TRPM3: variants seen among roughly 807,000 people sequenced by gnomAD.
TRPM3 encodes transient receptor potential cation channel subfamily M member 3, also known as long transient receptor potential channel 3.
In TRPM3, 77 loss-of-function variants were observed where a neutral mutation model predicts 181.2. The ratio of observed to expected loss-of-function variants is 0.42; its 90% confidence interval spans 0.35 to 0.51. The LOEUF (loss-of-function observed/expected upper bound fraction) is 0.51. Ranked by LOEUF, TRPM3 falls within the 20% of genes least tolerant of loss-of-function variation. TRPM3 has a pLI of 0.01. For missense variants in TRPM3, 1,759 were observed against 2,196.7 expected, an observed-to-expected ratio of 0.80 and a Z score of 3.98; for synonymous variants, 745 against 796.4, an observed-to-expected ratio of 0.94 and a Z score of 1.09.
At chr9:70,675,697 C>T (rs2134151178) in intron 9 of TRPM3, among the ~76,000 whole-genome samples, 1 of 152,212 alleles carries the variant, frequency 6.6e-6, no homozygotes, top group South Asian at 2.1e-4. Flanking sequence ...CAGTGATCAG[C>T]TATTATTCAT....
intron 9 of TRPM3, among the ~76,000 whole-genome samples, chr9:70,664,949 T>C (rs2133979465): frequency 6.6e-6 from 1 of 152,194 alleles, no homozygotes; most frequent in South Asian, 2.1e-4. Context: ...CACACCGGCC[T>C]AGGAACGTAC....
chr9:71,133,341 C>T (rs2074496161), intron 1 of TRPM3, among the ~76,000 whole-genome samples: 1 of 90,162 alleles, frequency 1.1e-5, no homozygotes, highest in African/African-American at 3.2e-5. Flanking sequence ...GTTGCCCAGG[C>T]TGGAGTGCAG....
In TRPM3 at chr9:71,350,004, G is replaced by GATATAT. The variant is rs1565487893; in HGVS notation, c.183+96648_183+96649insATATAT. On this transcript the variant is annotated intron_variant, in intron 1 of 24. Coordinates refer to the TRPM3 transcript ENST00000357533. ...ATATATATATATATATATATATATGGGCCTAAAAAATGACCTGTGTAGAAG... is the reference window on the plus strand; with the variant it reads ...ATATATATATATATATATATATATGGATATATGCCTAAAAAATGACCTGTGTAGAAG... Among the ~76,000 whole-genome samples, 8 of 2,862 alleles carry GATATAT rather than the reference G, an allele frequency of 2.8e-3. No individual in the cohort carries two copies. The Middle Eastern group carries it at 0.3, about 107-fold the overall frequency. The allele number at this position is 2,862 out of a possible 152,430, so 1.9% of individuals were successfully genotyped here. A position where few individuals can be genotyped will look rare whatever the true frequency, so the allele number is the denominator to read the frequency against.
At chr9:70,742,297 A>G (rs1170429443) in intron 8 of TRPM3, among the ~76,000 whole-genome samples, 2 of 152,116 alleles carry the variant, frequency 1.3e-5, no homozygotes, top group South Asian at 2.1e-4. Context: ...TATTTCTACA[A>G]TGAAAATTTT....
chr9:71,067,645 G>A (rs2062105598), intron 1 of TRPM3, among the ~76,000 whole-genome samples: 1 of 152,138 alleles, frequency 6.6e-6, no homozygotes. Flanking sequence ...AAAATCAAAT[G>A]AGTTAATATA....
At chr9:70,901,007 A>G (rs183128824) in intron 1 of TRPM3, among the ~76,000 whole-genome samples, 1 of 152,352 alleles carries the variant, frequency 6.6e-6, no homozygotes, top group Admixed American at 6.5e-5. Flanking sequence ...TTTGTTTTCA[A>G]CAGAAATCAC....
intron 1 of TRPM3, among the ~76,000 whole-genome samples, chr9:71,259,654 C>CT (rs546209652): frequency 9.8e-4 from 148 of 150,736 alleles, no homozygotes; most frequent in Admixed American, 2.5e-3. Context: ...GATGATGAGC[C>CT]TTTTTTTTTG....
Position 70,535,255 on chromosome 9 carries a change from T to C in TRPM3, c.*698A>G, listed in dbSNP as rs2041465806. 2 of 723,868 alleles carry C rather than the reference T, an allele frequency of 2.8e-6. No homozygotes were observed. The highest frequency in any genetic ancestry group is 4.4e-6 in the Non-Finnish European group (2 of 456,574). 44.8% of individuals were successfully genotyped at this position (723,868 alleles called of 1,614,324 possible). On this transcript the variant is annotated 3_prime_UTR_variant, in exon 26 of 26. Transcript: ENST00000677713. ...ATTTCGATTGCAATACAAAAAGGCA[T>C]TTCTGTTCCCTTATTTTCTTCAAAA... is the stretch of plus-strand genomic sequence containing the variant.
At chr9:70,758,611 T>G (rs749463649) in intron 8 of TRPM3, among the ~76,000 whole-genome samples, 8 of 152,146 alleles carry the variant, frequency 5.3e-5, no homozygotes, top group Admixed American at 5.2e-4. Flanking sequence ...CATAACAGCA[T>G]GGTAGTGGTG....
chr9:71,390,402 T>G (rs2093035489), intron 1 of TRPM3, among the ~76,000 whole-genome samples: 1 of 152,036 alleles, frequency 6.6e-6, no homozygotes, highest in African/African-American at 2.4e-5. Flanking sequence ...GAATAACATT[T>G]GCATTTCTAA....
At chr9:70,683,458 T>TTTTTTTTA (rs2065992258) in intron 8 of TRPM3, among the ~76,000 whole-genome samples, 1 of 106,362 alleles carries the variant, frequency 9.4e-6, no homozygotes, top group Non-Finnish European at 1.9e-5. Flanking sequence ...TTTTTTTTTT[T>TTTTTTTTA]GTAGAGATGG....
intron 1 of TRPM3, among the ~76,000 whole-genome samples, chr9:71,173,032 T>TC (rs1178073604): frequency 1.3e-5 from 2 of 152,198 alleles, no homozygotes; most frequent in African/African-American, 2.4e-5. Flanking sequence ...AAGGGTTTTT[T>TC]CCCACAACTC....
upstream of TRPM3, among the ~76,000 whole-genome samples, chr9:71,126,245 C>T (rs1296910711): frequency 6.6e-6 from 1 of 152,146 alleles, no homozygotes; most frequent in African/African-American, 2.4e-5. Context: ...GCTGGCGAGG[C>T]TGTGGAGAAA....
intron 1 of TRPM3, among the ~76,000 whole-genome samples, chr9:71,172,027 T>G (rs1361377159): frequency 6.6e-6 from 1 of 152,054 alleles, no homozygotes; most frequent in East Asian, 1.9e-4. Flanking sequence ...GCCTCCCAAG[T>G]AGCTGGGACC....
chr9:71,369,976 T>C (rs2092459506), intron 1 of TRPM3, among the ~76,000 whole-genome samples: 1 of 152,198 alleles, frequency 6.6e-6, no homozygotes, highest in African/African-American at 2.4e-5. Flanking sequence ...AATATTATCA[T>C]ATCTGTTATG....
intron 1 of TRPM3, among the ~76,000 whole-genome samples, chr9:71,019,986 T>C (rs1008827849): frequency 6.6e-6 from 1 of 152,080 alleles, no homozygotes; most frequent in African/African-American, 2.4e-5. Context: ...GATACTCACA[T>C]GGGAAAAATA....
chr9:70,628,875 A>G lies in TRPM3; in HGVS notation c.1633-3358T>C, dbSNP rs191061398. Among the ~76,000 whole-genome samples, 202 of 151,014 alleles carry G rather than the reference A, an allele frequency of 1.3e-3. 8 individuals carry two copies. In the East Asian group the frequency reaches 0.032, roughly 24 times the overall value. On this transcript the variant is annotated intron_variant, in intron 12 of 25. Coordinates refer to ENST00000677713, the MANE Select transcript of TRPM3 (RefSeq NM_001366145.2). ...GTGGGTAATACCAAGCCTAACACCT[A>G]TGTATTTTGCTTTGAGAAACTTAGG... is the stretch of plus-strand genomic sequence containing the variant.
intron 1 of TRPM3, among the ~76,000 whole-genome samples, chr9:71,413,858 CTT>C (rs564664274): frequency 9.0e-5 from 13 of 144,734 alleles, no homozygotes; most frequent in Admixed American, 6.9e-5. Context: ...ATACATTTCT[CTT>C]TTTTTTTTTT....
At chr9:71,229,965 T>G (rs938911769) in intron 1 of TRPM3, among the ~76,000 whole-genome samples, 9 of 152,022 alleles carry the variant, frequency 5.9e-5, no homozygotes, top group Admixed American at 1.3e-4. Context: ...ATAAAAGAGA[T>G]AGCTGCACTC....
Sources: gnomAD v4.1 joint callset for allele counts (sites outside exome capture counted in the v4.1 genomes callset) on GRCh38, gnomAD v4.1.1 for gene constraint, MANE v1.5 for transcripts, NCBI Gene and HGNC (gene_info 2026-07-23, HGNC 2026-07-21) for gene names.